SLC41A2: variants seen among roughly 807,000 people sequenced by gnomAD.
SLC41A2 encodes the protein solute carrier family 41 member 2, also known as SLC41A1-like 1.
A neutral mutation model predicts 58.3 loss-of-function variants in SLC41A2; 32 were observed. The ratio of observed to expected loss-of-function variants is 0.55; its 90% confidence interval spans 0.41 to 0.74. The LOEUF (loss-of-function observed/expected upper bound fraction) is 0.74, where lower values mean the gene tolerates loss of function less well. Ranked by LOEUF, SLC41A2 falls within the 30% of genes least tolerant of loss-of-function variation. SLC41A2 has a pLI of 0.00. For missense variants in SLC41A2, 514 were observed against 680.6 expected (o/e 0.76, Z 2.72); for synonymous variants, 190 against 235.0 (o/e 0.81, Z 1.75).
At chr12:104,827,604 A>C (rs2041891720) in intron 10 of SLC41A2, among the ~76,000 whole-genome samples, 1 of 152,222 alleles carries the variant, frequency 6.6e-6, no homozygotes, top group Non-Finnish European at 1.5e-5. Context: ...CTTGTATAAC[A>C]CACGTATAAC....
intron 1 of SLC41A2, among the ~76,000 whole-genome samples, chr12:104,949,800 C>T (rs2047885976): frequency 6.6e-6 from 1 of 152,146 alleles, no homozygotes; most frequent in Non-Finnish European, 1.5e-5. Flanking sequence ...TCAGGCTGGC[C>T]TCGAACTCCC....
intron 2 of SLC41A2, among the ~76,000 whole-genome samples, chr12:104,919,356 A>T (rs1191099412): frequency 6.6e-6 from 1 of 152,228 alleles, no homozygotes; most frequent in Non-Finnish European, 1.5e-5. Flanking sequence ...CTGGGGATAA[A>T]TGCCCAGGAA....
At chr12:104,856,285 C>T (rs1026421417) in intron 8 of SLC41A2, among the ~76,000 whole-genome samples, 2 of 151,830 alleles carry the variant, frequency 1.3e-5, no homozygotes, top group African/African-American at 2.4e-5. Context: ...TTCAGAGAAG[C>T]GATGAGAATG....
At chr12:104,822,807 G>A (rs1459072638) in intron 10 of SLC41A2, among the ~76,000 whole-genome samples, 1 of 151,560 alleles carries the variant, frequency 6.6e-6, no homozygotes. Context: ...TTAATTGCAG[G>A]TAAAAAAAAA....
intron 1 of SLC41A2, among the ~76,000 whole-genome samples, chr12:104,954,933 T>C (rs576962313): frequency 1.3e-5 from 2 of 152,220 alleles, no homozygotes; most frequent in South Asian, 4.1e-4. Flanking sequence ...CTAGGCCCAT[T>C]TGTGCACTTC....
intron 10 of SLC41A2, among the ~76,000 whole-genome samples, chr12:104,810,405 A>G (rs1270825390): frequency 6.6e-6 from 1 of 152,166 alleles, no homozygotes; most frequent in Non-Finnish European, 1.5e-5. Flanking sequence ...TTTATATTAC[A>G]TATTATAATA....
intron 2 of SLC41A2, among the ~76,000 whole-genome samples, chr12:104,916,368 T>C (rs1435763343): frequency 6.6e-6 from 1 of 152,218 alleles, no homozygotes; most frequent in Non-Finnish European, 1.5e-5. Context: ...CTTGTACCTC[T>C]GTTAGAATTC....
upstream of SLC41A2, chr12:104,958,612 A>T (rs2048263557): frequency 6.6e-6 from 1 of 152,652 alleles, no homozygotes; most frequent in African/African-American, 2.4e-5. Flanking sequence ...GCCTGCTCCA[A>T]GGTCCGAACC....
intron 10 of SLC41A2, 90 bp from the exon 11 acceptor site, chr12:104,805,427 AG>A: frequency 9.5e-7 from 1 of 1,055,818 alleles, no homozygotes; most frequent in African/African-American, 1.6e-5. Context: ...GGCTTCTGGA[AG>A]GGACCGTATG....
At chr12:104,927,131 A>G (rs2046874000) in intron 2 of SLC41A2, among the ~76,000 whole-genome samples, 2 of 152,318 alleles carry the variant, frequency 1.3e-5, no homozygotes, top group South Asian at 2.1e-4. Flanking sequence ...CTATTTTGAC[A>G]GTAGGAGTAT....
chr12:104,844,554 T>C lies in SLC41A2; in HGVS notation c.1454A>G (p.Tyr485Cys), dbSNP rs2042534781. The change falls in exon 10 of 11, where the codon TAC becomes TGC. Residue 485 changes from tyrosine (Y) to cysteine (C), a missense_variant. Physicochemically the swap from Tyr to Cys is radical, Grantham distance 194 (BLOSUM62 -2). Transcript: ENST00000258538. Reference protein sequence around the residue: ...LVIPGHLIFLYTIHLMKSGHT... With the variant: ...LVIPGHLIFLCTIHLMKSGHT... ...ACCACTTTTCATCAAATGAATAGTG[T>C]AGAGGAAAATTAAATGTCCAGGAAT... 1.3e-6 allele frequency: 2 copies of C among 1,571,794 alleles called. No individual in the cohort carries two copies. The highest frequency in any genetic ancestry group is 1.2e-5 in the South Asian group (1 of 82,496).
intron 7 of SLC41A2, among the ~76,000 whole-genome samples, chr12:104,862,862 G>A (rs1218268392): frequency 4.6e-5 from 7 of 151,768 alleles, no homozygotes; most frequent in Non-Finnish European, 7.4e-5. Context: ...ATTAACTTAT[G>A]CATTACTTCA....
At chr12:104,837,475 T>C (rs1278186469) in intron 10 of SLC41A2, among the ~76,000 whole-genome samples, 2 of 152,178 alleles carry the variant, frequency 1.3e-5, no homozygotes, top group African/African-American at 4.8e-5. Context: ...TTATGGGGGA[T>C]ATAAGGAATT....
chr12:104,869,729 ATAGG>A (rs1565858055), intron 6 of SLC41A2, among the ~76,000 whole-genome samples: 1 of 152,304 alleles, frequency 6.6e-6, no homozygotes, highest in East Asian at 1.9e-4. Flanking sequence ...TCCAATTTTG[ATAGG>A]TAGGGAAAAT....
intron 2 of SLC41A2, among the ~76,000 whole-genome samples, chr12:104,921,674 T>TA (rs1268200117): frequency 1.3e-5 from 2 of 152,048 alleles, no homozygotes; most frequent in Admixed American, 6.5e-5. Flanking sequence ...CAGTTGAAGA[T>TA]AAAAAATCCA....
chr12:104,832,100 C>T (rs1386352296), intron 10 of SLC41A2, among the ~76,000 whole-genome samples: 2 of 152,140 alleles, frequency 1.3e-5, no homozygotes, highest in African/African-American at 4.8e-5. Flanking sequence ...TGAGGTTCTT[C>T]AGCATACCTT....
intron 1 of SLC41A2, among the ~76,000 whole-genome samples, chr12:104,946,450 T>A (rs568971395): frequency 5.3e-4 from 75 of 140,838 alleles, no homozygotes; most frequent in African/African-American, 1.8e-3. Context: ...TTTTTAAAAA[T>A]TTTTTTGTGG....
At chr12:104,825,645 C>G (rs1333767538) in intron 10 of SLC41A2, among the ~76,000 whole-genome samples, 1 of 152,170 alleles carries the variant, frequency 6.6e-6, no homozygotes, top group Non-Finnish European at 1.5e-5. Flanking sequence ...CAGCAGGGCT[C>G]ATTTGAGACA....
chr12:104,897,958 G>A (rs12319837), intron 3 of SLC41A2, among the ~76,000 whole-genome samples: 5,024 of 152,228 alleles, frequency 0.033, 261 homozygotes, highest in African/African-American at 0.11. Flanking sequence ...AGTGTTCTGT[G>A]TAAAGGCCTT....
Sources: gnomAD v4.1 joint callset for allele counts (sites outside exome capture counted in the v4.1 genomes callset) on GRCh38, gnomAD v4.1.1 for gene constraint, MANE v1.5 for transcripts, NCBI Gene and HGNC (gene_info 2026-07-23, HGNC 2026-07-21) for gene names.